SEC13: variants seen among roughly 807,000 people sequenced by gnomAD.
The protein encoded by SEC13 is protein SEC13 homolog.
Under a neutral mutation model 49.2 loss-of-function variants are expected in SEC13, and 25 were observed. The observed-to-expected ratio is 0.51, with a 90% CI of 0.37 to 0.71. SEC13 has a LOEUF of 0.71. SEC13 is among the 30% of genes least tolerant of loss of function. SEC13 has a pLI of 0.00. For missense variants in SEC13, 383 were observed against 417.6 expected (o/e 0.92, Z 0.72); for synonymous variants, 148 against 163.9 (o/e 0.90, Z 0.74).
intron 2 of SEC13, among the ~76,000 whole-genome samples, chr3:10,315,701 T>G (rs572230915): frequency 6.6e-6 from 1 of 152,264 alleles, no homozygotes; most frequent in South Asian, 2.1e-4. Flanking sequence ...GCTCTTCCAT[T>G]CCTGTTCCGC....
chr3:10,303,983 C>T (rs1446512234), intron 8 of SEC13, 43 bp downstream of exon 8: 5 of 1,610,536 alleles, frequency 3.1e-6, no homozygotes, highest in Non-Finnish European at 4.2e-6. Context: ...GGGGTGAAGA[C>T]CAACAGGCTG....
chr3:10,315,442 A>G lies in SEC13; in HGVS notation c.49-6T>C. 2.4e-6 allele frequency: 3 copies of G among 1,228,894 alleles called. No homozygotes were observed. The highest frequency in any genetic ancestry group is 2.4e-5 in the South Asian group (2 of 83,672). 76.1% of individuals were successfully genotyped at this position (1,228,894 alleles called of 1,614,324 possible). Reference sequence around the variant, plus strand: ...TAGTCCATCTGGGCGTCGTGCTGCAAAGGGAGGACAGCTCGGGAAGCCTGC... The same window carrying G: ...TAGTCCATCTGGGCGTCGTGCTGCAGAGGGAGGACAGCTCGGGAAGCCTGC... On this transcript the variant is annotated splice_region_variant and splice_polypyrimidine_tract_variant and intron_variant, in intron 2 of 8. Coordinates refer to ENST00000350697, the MANE Select transcript of SEC13 (RefSeq NM_183352.3).
Position 10,312,692 on chromosome 3 carries a change from G to GCAC in SEC13, c.202_203insGTG (p.Pro68delinsArgAla). 6.2e-7 allele frequency: 1 copy of GCAC among 1,614,154 alleles called. No homozygotes were observed. The highest frequency in any genetic ancestry group is 8.5e-7 in the Non-Finnish European group (1 of 1,180,036). On this transcript the variant is annotated protein_altering_variant, in exon 4 of 9. Coordinates refer to ENST00000350697, the MANE Select transcript of SEC13 (RefSeq NM_183352.3). Reference sequence around the variant, plus strand: ...CGATGCCAGGATGTTGCCGTACATGGGGTGAGCCCAGGCCACTTGCCACAC... The same window carrying GCAC: ...CGATGCCAGGATGTTGCCGTACATGGCACGGTGAGCCCAGGCCACTTGCCACAC...
At position 10,310,486 on chromosome 3, in the gene SEC13, G is replaced by A. The variant is rs553874336; in HGVS notation, c.450+1479C>T. Among the ~76,000 whole-genome samples, 64 of 152,118 alleles carry A rather than the reference G, an allele frequency of 4.2e-4. 1 individual carries two copies. Among genetic ancestry groups the A allele is most frequent in the African/African-American group, 1.2e-3 (50 of 41,480 alleles). ...AGCCTGGGTGACAGAGCAAGCCTCCGTCTCAAAAAAACAGAACAAAACAAA... is the reference window on the plus strand; with the variant it reads ...AGCCTGGGTGACAGAGCAAGCCTCCATCTCAAAAAAACAGAACAAAACAAA... On this transcript the variant is annotated intron_variant, in intron 5 of 8. Coordinates refer to ENST00000350697, the MANE Select transcript of SEC13 (RefSeq NM_183352.3).
In SEC13 at chr3:10,321,007, C is replaced by A; in HGVS notation, c.3+43G>T. 6.2e-7 allele frequency: 1 copy of A among 1,608,996 alleles called. No homozygotes were observed. The highest frequency in any genetic ancestry group is 1.1e-5 in the South Asian group (1 of 90,112). ...CCGAGGAACCCGTGAAGGCCGCGAC[C>A]GTGGCCTTCACCCTGCTAGGCCTCC... On this transcript the variant is annotated intron_variant, in intron 1 of 8. Transcript: ENST00000350697. The surrounding 1 kb of genome is among the most constrained non-coding windows in gnomAD (Gnocchi z 4.1).
Position 10,305,006 on chromosome 3 carries a change from A to G in SEC13, c.708+27T>C, listed in dbSNP as rs755969906. The G allele has an allele frequency of 9.3e-6, 15 of 1,613,836 alleles. No homozygotes were observed. In the East Asian group the frequency reaches 2.7e-4, roughly 29 times the overall value. On this transcript the variant is annotated intron_variant, in intron 7 of 8. Transcript: ENST00000350697. ...TGGGCCTGACTCGAGACTAAATGAC[A>G]AGGGATACTCATGGCCCTGGGCTGA...
At chr3:10,320,926 C>T in intron 1 of SEC13, 124 bp downstream of exon 1, 1 of 1,511,666 alleles carries the variant, frequency 6.6e-7, no homozygotes, top group Non-Finnish European at 8.8e-7. Context: ...CCCCAAATCT[C>T]TAAGCGGTGG....
At position 10,311,983 on chromosome 3, in the gene SEC13, C is replaced by T; in HGVS notation, c.432G>A (p.Lys144=). The change falls in exon 5 of 9, where the codon AAG becomes AAA. Residue 144 remains lysine (K), a synonymous_variant. Transcript: ENST00000350697. ...YTGEGQWEVK[K]INNAHTIGCN... The stretch of plus-strand genomic sequence containing the variant: ...GACTCACGGTGTGAGCGTTGTTGAT[C>T]TTCTTTACTTCCCATTGGCCTTCCC... 2.5e-6 allele frequency: 4 copies of T among 1,614,218 alleles called. No individual in the cohort carries two copies. Among genetic ancestry groups the T allele is most frequent in the Non-Finnish European group, 3.4e-6 (4 of 1,180,030 alleles).
At chr3:10,318,134 GT>G in intron 1 of SEC13, 40 bp from the exon 2 acceptor site, 1 of 1,388,990 alleles carries the variant, frequency 7.2e-7, no homozygotes, top group Non-Finnish European at 1.0e-6. Flanking sequence ...ACTCATGGCA[GT>G]TAGAATACAA....
At chr3:10,314,826 T>C (rs1701502077) in intron 3 of SEC13, 1 of 153,596 alleles carries the variant, frequency 6.5e-6, no homozygotes, top group South Asian at 2.0e-4. Flanking sequence ...AATGATAGCA[T>C]TCTTACATTA....
intron 5 of SEC13, among the ~76,000 whole-genome samples, chr3:10,308,486 G>C (rs1354407326): frequency 1.3e-5 from 2 of 152,036 alleles, no homozygotes; most frequent in Non-Finnish European, 2.9e-5. Flanking sequence ...ATGGACATGT[G>C]GACTATTTCC....
At chr3:10,311,781 T>G (rs1377107287) in intron 5 of SEC13, 184 bp downstream of exon 5, 1 of 1,447,916 alleles carries the variant, frequency 6.9e-7, no homozygotes, top group Non-Finnish European at 9.1e-7. Flanking sequence ...TGCCAAGCCC[T>G]GCCTGGTCTG....
chr3:10,305,252 T>G (rs1235930314), intron 6 of SEC13, 96 bp from the exon 7 acceptor site: 2 of 1,465,550 alleles, frequency 1.4e-6, no homozygotes, highest in East Asian at 4.7e-5. Flanking sequence ...GGAGAAGCGA[T>G]TCCATCTTTC....
At chr3:10,301,707 C>T (rs1700531042) in intron 8 of SEC13, among the ~76,000 whole-genome samples, 2 of 152,160 alleles carry the variant, frequency 1.3e-5, no homozygotes, top group Admixed American at 1.3e-4. Context: ...GAGCATCGGT[C>T]ACCTGGGAGC....
At chr3:10,320,320 G>T (rs2059754155) in intron 1 of SEC13, among the ~76,000 whole-genome samples, 1 of 152,170 alleles carries the variant, frequency 6.6e-6, no homozygotes, top group Non-Finnish European at 1.5e-5. Flanking sequence ...AAGAATGCAT[G>T]TACTAGATAT....
At chr3:10,319,311 C>T (rs2059722353) in intron 1 of SEC13, 23 of 1,584,500 alleles carry the variant, frequency 1.5e-5, no homozygotes, top group South Asian at 2.3e-5. Flanking sequence ...ACCAGGTCCC[C>T]GAAGTCTGCA....
In SEC13 at chr3:10,304,147, C is replaced by G. The variant is rs762614703; in HGVS notation, c.734G>C (p.Cys245Ser). 6.2e-7 allele frequency: 1 copy of G among 1,614,060 alleles called. No homozygotes were observed. Residue 245 changes from cysteine (C) to serine (S), a missense_variant, in exon 8 of 9, where the codon TGT (cysteine) becomes TCT (serine). Transcript: ENST00000350697. Reference protein sequence around the residue: ...SQDGRVFIWTCDDASSNTWSP... With the variant: ...SQDGRVFIWTSDDASSNTWSP... Reference sequence around the variant, plus strand: ...CCACGTATTGCTTGAGGCATCATCACAGGTCCAAATGAACACACGACCATC... The same window carrying G: ...CCACGTATTGCTTGAGGCATCATCAGAGGTCCAAATGAACACACGACCATC...
intron 5 of SEC13, among the ~76,000 whole-genome samples, chr3:10,307,640 A>C (rs951061791): frequency 6.6e-6 from 1 of 152,196 alleles, no homozygotes; most frequent in Non-Finnish European, 1.5e-5. Flanking sequence ...CTTATTCACT[A>C]TCAAGAGAAC....
intron 3 of SEC13, chr3:10,312,947 G>T: frequency 2.0e-6 from 1 of 512,598 alleles, no homozygotes; most frequent in Non-Finnish European, 3.5e-6. Flanking sequence ...CAGAGCCTTT[G>T]AGAGAGAGTT....
Sources: allele counts gnomAD v4.1 joint callset (sites outside exome capture counted in the v4.1 genomes callset), GRCh38; gene constraint gnomAD v4.1.1; non-coding constraint Gnocchi (gnomAD v3.1); transcripts MANE v1.5; gene names NCBI Gene and HGNC (gene_info 2026-07-23, HGNC 2026-07-21).